The following JDP2 variants were observed in gnomAD, a reference collection of about 807,000 sequenced individuals.
JDP2 encodes the protein progesterone receptor co-activator.
In JDP2, 9 loss-of-function variants were observed where a neutral mutation model predicts 17.1. The observed-to-expected ratio is 0.53, with a 90% CI of 0.32 to 0.92. The LOEUF (loss-of-function observed/expected upper bound fraction) is 0.92, where lower values mean the gene tolerates loss of function less well. Among genes scored for constraint, JDP2 ranks in the 40% least tolerant of loss-of-function variants. JDP2 has a pLI of 0.04. For missense variants in JDP2, 179 were observed against 220.0 expected (o/e 0.81, Z 1.18); for synonymous variants, 107 against 95.6 (o/e 1.12, Z -0.69).
chr14:75,453,851 T>C (rs1017005182), intron 2 of JDP2, among the ~76,000 whole-genome samples: 1 of 152,248 alleles, frequency 6.6e-6, no homozygotes, highest in Non-Finnish European at 1.5e-5. Context: ...GACAGAACCC[T>C]CAGACTTGGG....
At chr14:75,432,168 C>CA in intron 1 of JDP2, 1 of 673,552 alleles carries the variant, frequency 1.5e-6, no homozygotes, top group Non-Finnish European at 2.6e-6. Context: ...CCTTCACTCT[C>CA]AGTCTTGGGG....
chr14:75,445,901 C>A (rs559441236), intron 2 of JDP2, among the ~76,000 whole-genome samples: 1 of 152,168 alleles, frequency 6.6e-6, no homozygotes, highest in East Asian at 1.9e-4. Flanking sequence ...GTTTGCAAAT[C>A]GTAGATCCAA....
intron 3 of JDP2, among the ~76,000 whole-genome samples, chr14:75,468,276 G>C (rs1228372039): frequency 6.6e-6 from 1 of 152,170 alleles, no homozygotes; most frequent in Non-Finnish European, 1.5e-5. Flanking sequence ...CCTGCTAGAT[G>C]CTGGTAGCAC....
chr14:75,455,314 G>A (rs918444672), intron 2 of JDP2, among the ~76,000 whole-genome samples: 6 of 152,106 alleles, frequency 3.9e-5, no homozygotes, highest in Admixed American at 1.3e-4. Context: ...GGATGACCAC[G>A]AGCCCTGTAG....
In JDP2 at chr14:75,443,457, G is replaced by T. The variant is rs905254634; in HGVS notation, c.201+5336G>T. 2.0e-5 allele frequency among the ~76,000 whole-genome samples: 3 copies of T among 152,080 alleles called. No individual in the cohort carries two copies. In the East Asian group the frequency reaches 5.8e-4, roughly 29 times the overall value. ...TGTCTCATACTTGTTTGGCAGAGAG[G>T]TCCAATCTGTCCTCTCTTGGAACAG... On this transcript the variant is annotated intron_variant, in intron 2 of 3. Coordinates refer to ENST00000651602, the MANE Select transcript of JDP2 (RefSeq NM_001135048.2).
intron 3 of JDP2, among the ~76,000 whole-genome samples, chr14:75,467,655 C>G (rs962508170): frequency 6.6e-6 from 1 of 152,140 alleles, no homozygotes; most frequent in Admixed American, 6.5e-5. Context: ...CAGAGAGTCA[C>G]CAGTGAGCAG....
At chr14:75,462,847 G>GCCTCC (rs1160676766) in intron 3 of JDP2, among the ~76,000 whole-genome samples, 1 of 152,222 alleles carries the variant, frequency 6.6e-6, no homozygotes, top group Non-Finnish European at 1.5e-5. Context: ...CAGGCTGTGA[G>GCCTCC]TGTCCAGTGC....
At chr14:75,452,938 G>A (rs1269849243) in intron 2 of JDP2, among the ~76,000 whole-genome samples, 1 of 152,242 alleles carries the variant, frequency 6.6e-6, no homozygotes, top group African/African-American at 2.4e-5. Context: ...AAGAAGGCCT[G>A]GCAAGAGATG....
rs774357357 is a variant in JDP2 at position 75,469,287 on chromosome 14, C to T, written c.307-3C>T. 24 of 1,612,870 alleles carry T rather than the reference C, an allele frequency of 1.5e-5. No homozygotes were observed. The highest frequency in any genetic ancestry group is 1.9e-5 in the Non-Finnish European group (22 of 1,179,414). ...CACAGCGTGCTTCTGTGTTGGTATACAGGAATCCGAGCGGCTGGAACTCAT... is the reference window on the plus strand; with the variant it reads ...CACAGCGTGCTTCTGTGTTGGTATATAGGAATCCGAGCGGCTGGAACTCAT... On this transcript the variant is annotated splice_polypyrimidine_tract_variant and splice_region_variant and intron_variant, in intron 3 of 3. Coordinates refer to ENST00000651602, the MANE Select transcript of JDP2 (RefSeq NM_001135048.2).
rs546710228 is a variant in JDP2 at position 75,453,032 on chromosome 14, G to A, written c.202-8394G>A. On this transcript the variant is annotated intron_variant, in intron 2 of 3. Coordinates refer to ENST00000651602, the MANE Select transcript of JDP2 (RefSeq NM_001135048.2). ...GAGGGCCTGGCCCCTGCAGGCTGCCGGGGGTCAGCAAGGGAGTTGGCTGAG... is the reference window on the plus strand; with the variant it reads ...GAGGGCCTGGCCCCTGCAGGCTGCCAGGGGTCAGCAAGGGAGTTGGCTGAG... Among the ~76,000 whole-genome samples, 14 of 152,168 alleles carry A rather than the reference G, an allele frequency of 9.2e-5. No homozygotes were observed. The South Asian group carries it at 1.5e-3, about 16-fold the overall frequency.
chr14:75,460,032 C>T (rs116673043), intron 2 of JDP2, among the ~76,000 whole-genome samples: 1,911 of 152,332 alleles, frequency 0.013, 33 homozygotes, highest in African/African-American at 0.043. Context: ...GTAACTTCCT[C>T]ATAAGACTTT....
At chr14:75,453,420 A>G (rs544710875) in intron 2 of JDP2, among the ~76,000 whole-genome samples, 2 of 151,666 alleles carry the variant, frequency 1.3e-5, no homozygotes, top group East Asian at 1.9e-4. Flanking sequence ...CACGCCCTGA[A>G]CTCCCCAGCC....
intron 1 of JDP2, chr14:75,432,100 C>CA (rs1884828469): frequency 1.7e-6 from 1 of 581,212 alleles, no homozygotes; most frequent in Non-Finnish European, 3.1e-6. Context: ...TTAACCCCCC[C>CA]TTCCTCTTGG....
At chr14:75,451,623 G>A (rs924191483) in intron 2 of JDP2, among the ~76,000 whole-genome samples, 6 of 152,184 alleles carry the variant, frequency 3.9e-5, no homozygotes, top group African/African-American at 1.4e-4. Flanking sequence ...AAAACAGCCC[G>A]GAAGGGATGG....
intron 1 of JDP2, among the ~76,000 whole-genome samples, chr14:75,431,215 A>T (rs1672767508): frequency 6.6e-6 from 1 of 152,246 alleles, no homozygotes; most frequent in African/African-American, 2.4e-5. Context: ...TGGGTTAAAG[A>T]TTCCTGGCAG....
chr14:75,427,590 C>G (rs1884578874), upstream of JDP2: 1 of 152,654 alleles, frequency 6.6e-6, no homozygotes, highest in African/African-American at 2.4e-5. This position sits in a 1 kb window ranked among gnomAD's most constrained non-coding sequence, Gnocchi z 4.4. Context: ...CGTGAAGGGG[C>G]TTTTGACTTT....
At chr14:75,433,509 A>G (rs895081369) in intron 1 of JDP2, among the ~76,000 whole-genome samples, 13 of 145,888 alleles carry the variant, frequency 8.9e-5, no homozygotes, top group Non-Finnish European at 1.9e-4. Flanking sequence ...GTGTGCCCAC[A>G]GGTCACTGAG....
intron 1 of JDP2, chr14:75,432,121 T>G (rs980822172): frequency 3.4e-6 from 2 of 596,846 alleles, no homozygotes; most frequent in Admixed American, 5.9e-5. Flanking sequence ...CCTGCAGAGC[T>G]GGGGACAGCC....
At chr14:75,451,959 C>T (rs1885887353) in intron 2 of JDP2, among the ~76,000 whole-genome samples, 1 of 152,180 alleles carries the variant, frequency 6.6e-6, no homozygotes, top group South Asian at 2.1e-4. Flanking sequence ...TGCTCTGTTG[C>T]CCAGGCCGGA....
Sources: gnomAD v4.1 joint callset for allele counts (sites outside exome capture counted in the v4.1 genomes callset) on GRCh38, gnomAD v4.1.1 for gene constraint, Gnocchi (gnomAD v3.1) non-coding constraint, MANE v1.5 for transcripts, NCBI Gene and HGNC (gene_info 2026-07-23, HGNC 2026-07-21) for gene names.